BTBD8: variants seen among roughly 807,000 people sequenced by gnomAD.
BTBD8 encodes the protein BTB/POZ domain-containing protein 8.
In BTBD8, 110 loss-of-function variants were observed where a neutral mutation model predicts 162.9. That is an observed-to-expected ratio of 0.68 (90% confidence interval 0.58 to 0.79). The LOEUF (loss-of-function observed/expected upper bound fraction) is 0.79, where lower values mean the gene tolerates loss of function less well. Among genes scored for constraint, BTBD8 ranks in the 30% least tolerant of loss-of-function variants. The pLI is 0.00. For missense variants in BTBD8, 1,905 were observed against 2,085.4 expected, an observed-to-expected ratio of 0.91 and a Z score of 1.68; for synonymous variants, 667 against 716.1, an observed-to-expected ratio of 0.93 and a Z score of 1.10.
At chr1:92,094,669 G>A (rs1299724043) in intron 2 of BTBD8, among the ~76,000 whole-genome samples, 1 of 152,144 alleles carries the variant, frequency 6.6e-6, no homozygotes, top group Non-Finnish European at 1.5e-5. Context: ...ATTGTCAGTG[G>A]AAAGTTGTGC....
Position 92,167,057 on chromosome 1 carries a change from C to G in BTBD8, c.1222C>G (p.Gln408Glu), listed in dbSNP as rs895373941. The stretch of plus-strand genomic sequence containing the variant: ...GGAAGCAGCACTGACCATGGCGTCT[C>G]AGCTTCAAGAAAAATGTATTGCATT... The part of the protein sequence containing the change: ...WTEAALTMAS[Q>E]LQEKCIAFIV... The change falls in exon 10 of 18, where the codon CAG (glutamine) becomes GAG (glutamate). Residue 408 changes from glutamine (Q) to glutamate (E), a missense_variant. By Grantham distance (29) the Gln-to-Glu change is conservative. Around this residue, in one of 3 missense-constraint regions of BTBD8, gnomAD observed 1,374 missense variants for 1,442.7 expected, o/e 0.95. Transcript: ENST00000636805. 2.0e-5 allele frequency: 31 copies of G among 1,550,556 alleles called. No homozygotes were observed. The African/African-American group carries it at 3.4e-4, about 17-fold the overall frequency.
intron 1 of BTBD8, 90 bp downstream of exon 1, chr1:92,080,810 C>A: frequency 2.0e-6 from 3 of 1,520,486 alleles, no homozygotes; most frequent in Non-Finnish European, 1.8e-6. Context: ...CTGCCTCCCC[C>A]TCCCTCAGCA....
chr1:92,176,865 A>G lies in BTBD8; in HGVS notation c.1672A>G (p.Ile558Val). ...KQVSDSGDIK[I>V]KSWRGNNKKE... ...AGTTTCTGACTCTGGTGATATAAAA[A>G]TCAAATCTTGGAGGGGAAATAACAA... Residue 558 changes from isoleucine (I) to valine (V), a missense_variant, in exon 14 of 18, where the codon ATC becomes GTC. Around this residue, in one of 3 missense-constraint regions of BTBD8, gnomAD observed 1,374 missense variants for 1,442.7 expected, o/e 0.95. Coordinates refer to ENST00000636805, the MANE Select transcript of BTBD8 (RefSeq NM_001376131.1). 1 of 1,471,854 alleles carries G rather than the reference A, an allele frequency of 6.8e-7. No individual in the cohort carries two copies. The highest frequency in any genetic ancestry group is 9.0e-7 in the Non-Finnish European group (1 of 1,110,942). 91.2% of individuals were successfully genotyped at this position (1,471,854 alleles called of 1,614,324 possible).
intron 2 of BTBD8, among the ~76,000 whole-genome samples, chr1:92,095,835 A>G (rs11166141): frequency 0.62 from 93,828 of 152,040 alleles, 29,561 homozygotes; most frequent in East Asian, 0.97. Flanking sequence ...GCTGTTATCA[A>G]TAACTACAGC....
chr1:92,106,938 G>A (rs1046418817), intron 3 of BTBD8, among the ~76,000 whole-genome samples: 4 of 152,012 alleles, frequency 2.6e-5, no homozygotes, highest in African/African-American at 9.7e-5. Context: ...GCTGAGCATG[G>A]TGGCGTACAC....
At chr1:92,141,234 C>CT in intron 7 of BTBD8, 23 bp downstream of exon 7, 1 of 1,565,644 alleles carries the variant, frequency 6.4e-7, no homozygotes, top group Non-Finnish European at 8.7e-7. Flanking sequence ...CCTCAGAAAT[C>CT]TTTTATCCAG....
chr1:92,097,499 A>G (rs190955727), intron 2 of BTBD8, among the ~76,000 whole-genome samples: 19 of 152,296 alleles, frequency 1.2e-4, no homozygotes, highest in African/African-American at 4.1e-4. Context: ...GAATATCTTC[A>G]TCATCCCAGA....
At chr1:92,144,835 A>ACACC (rs1166097197) in intron 7 of BTBD8, among the ~76,000 whole-genome samples, 2 of 151,492 alleles carry the variant, frequency 1.3e-5, no homozygotes, top group African/African-American at 4.9e-5. Context: ...ACACACACAC[A>ACACC]CACACACGTA....
At chr1:92,104,774 T>G (rs1448702688) in intron 3 of BTBD8, among the ~76,000 whole-genome samples, 3 of 152,188 alleles carry the variant, frequency 2.0e-5, no homozygotes, top group Non-Finnish European at 2.9e-5. Context: ...ACTTCTGTTT[T>G]CTGTGACACC....
At chr1:92,106,934 C>T (rs1431345103) in intron 3 of BTBD8, among the ~76,000 whole-genome samples, 2 of 151,922 alleles carry the variant, frequency 1.3e-5, no homozygotes, top group African/African-American at 4.8e-5. Context: ...AGTAGCTGAG[C>T]ATGGTGGCGT....
rs1650456955 is a variant in BTBD8 at position 92,168,872 on chromosome 1, A to G, written c.1450A>G (p.Thr484Ala). ...ATTTGTTGCTTGAACACAGGGTTTT[A>G]CGTGCAAGATCCAGGCTCTGCGTGA... ...NSDSTKEMGF[T>A]CKIQALRDKL... Residue 484 changes from threonine (T) to alanine (A), a missense_variant, in exon 12 of 18, where the codon ACG becomes GCG. Around this residue, in one of 3 missense-constraint regions of BTBD8, gnomAD observed 1,374 missense variants for 1,442.7 expected, o/e 0.95. Transcript: ENST00000636805. 1.3e-6 allele frequency: 2 copies of G among 1,517,564 alleles called. No homozygotes were observed. The highest frequency in any genetic ancestry group is 1.8e-6 in the Non-Finnish European group (2 of 1,121,340). 94.0% of individuals were successfully genotyped at this position (1,517,564 alleles called of 1,614,324 possible). A position where few individuals can be genotyped will look rare whatever the true frequency, so the allele number is the denominator to read the frequency against.
intron 2 of BTBD8, among the ~76,000 whole-genome samples, chr1:92,101,355 T>C (rs1648586694): frequency 6.6e-6 from 1 of 152,238 alleles, no homozygotes; most frequent in African/African-American, 2.4e-5. Flanking sequence ...CCCATCCACA[T>C]GGCTCCAGCC....
chr1:92,173,348 C>G (rs866359547), intron 13 of BTBD8, among the ~76,000 whole-genome samples: 1 of 152,206 alleles, frequency 6.6e-6, no homozygotes, highest in Non-Finnish European at 1.5e-5. Flanking sequence ...TGGAATACGA[C>G]TAGGGTCCCG....
At position 92,147,764 on chromosome 1, in the gene BTBD8, T is replaced by G; in HGVS notation, c.1100T>G (p.Leu367Arg). 4 of 1,613,494 alleles carry G rather than the reference T, an allele frequency of 2.5e-6. No homozygotes were observed. Among genetic ancestry groups the G allele is most frequent in the Non-Finnish European group, 3.4e-6 (4 of 1,179,742 alleles). The change falls in exon 9 of 18, where the codon CTT becomes CGT. Residue 367 changes from leucine to arginine, a missense_variant. By Grantham distance (102) the Leu-to-Arg change is moderately radical (BLOSUM62 -2). Coordinates refer to ENST00000636805, the MANE Select transcript of BTBD8 (RefSeq NM_001376131.1). ...NIPPEIQKSC[L>R]NMLIQSLNDK... Reference sequence around the variant, plus strand: ...CCTCCTGAGATTCAGAAAAGTTGTCTTAATATGTTGATTCAGTCCTTAGTA... The same window carrying G: ...CCTCCTGAGATTCAGAAAAGTTGTCGTAATATGTTGATTCAGTCCTTAGTA...
intron 9 of BTBD8, among the ~76,000 whole-genome samples, chr1:92,152,982 A>G (rs915834015): frequency 6.6e-6 from 1 of 152,186 alleles, no homozygotes; most frequent in African/African-American, 2.4e-5. Flanking sequence ...AAATATGTTT[A>G]GCTTTATTGA....
chr1:92,128,423 C>T (rs889950074), intron 4 of BTBD8, among the ~76,000 whole-genome samples: 42 of 152,216 alleles, frequency 2.8e-4, no homozygotes, highest in African/African-American at 9.1e-4. Context: ...GGACAACAGG[C>T]GCCTGTCACC....
At chr1:92,133,616 A>T (rs1384271787) in intron 5 of BTBD8, among the ~76,000 whole-genome samples, 1 of 152,222 alleles carries the variant, frequency 6.6e-6, no homozygotes, top group East Asian at 1.9e-4. Flanking sequence ...CTGAGAACAT[A>T]ATGCACATAG....
chr1:92,144,791 A>G (rs1649869195), intron 7 of BTBD8, among the ~76,000 whole-genome samples: 1 of 143,568 alleles, frequency 7.0e-6, no homozygotes, highest in Non-Finnish European at 1.5e-5. Context: ...AGCCTGGGTG[A>G]CAGAGCCAAA....
intron 4 of BTBD8, among the ~76,000 whole-genome samples, chr1:92,113,103 G>T (rs1648942319): frequency 6.6e-6 from 1 of 152,130 alleles, no homozygotes; most frequent in African/African-American, 2.4e-5. Flanking sequence ...TTAATCAAAA[G>T]GAGAAAATAG....
Sources: allele counts gnomAD v4.1 joint callset (sites outside exome capture counted in the v4.1 genomes callset), GRCh38; gene constraint gnomAD v4.1.1; regional missense constraint gnomAD v4.1.1; transcripts MANE v1.5; gene names NCBI Gene and HGNC (gene_info 2026-07-23, HGNC 2026-07-21).